PLCG2: variants seen among roughly 807,000 people sequenced by gnomAD.
The protein encoded by PLCG2 is 1-phosphatidylinositol 4,5-bisphosphate phosphodiesterase gamma-2.
Under a neutral mutation model 175.6 loss-of-function variants are expected in PLCG2, and 69 were observed. That is an observed-to-expected ratio of 0.39 (90% CI 0.32 to 0.48). The LOEUF (loss-of-function observed/expected upper bound fraction) is 0.48, where lower values mean the gene tolerates loss of function less well. PLCG2 is among the 20% of genes least tolerant of loss of function. The probability of loss-of-function intolerance (pLI) is 0.91; values close to 1 mark genes in which losing one functional copy is unlikely to be tolerated. For missense variants in PLCG2, 1,798 were observed against 1,650.9 expected (o/e 1.09, Z -1.54); for synonymous variants, 827 against 624.0 (o/e 1.33, Z -4.85).
intron 31 of PLCG2, among the ~76,000 whole-genome samples, chr16:81,951,242 G>T (rs1026874163): frequency 1.3e-5 from 2 of 152,138 alleles, no homozygotes; most frequent in South Asian, 2.1e-4. Flanking sequence ...GGAATTACAC[G>T]TGTCAGCCAC....
At chr16:81,882,603 A>G (rs1010776256) in intron 8 of PLCG2, among the ~76,000 whole-genome samples, 1 of 151,818 alleles carries the variant, frequency 6.6e-6, no homozygotes, top group Non-Finnish European at 1.5e-5. Flanking sequence ...TTTGCTCTGC[A>G]ATCCCTCCCT....
chr16:81,772,988 A>G (rs1910316485), intron 2 of PLCG2, among the ~76,000 whole-genome samples: 1 of 151,936 alleles, frequency 6.6e-6, no homozygotes, highest in South Asian at 2.1e-4. Context: ...GCCCCTGCCG[A>G]CAGCTGCCCT....
intron 2 of PLCG2, among the ~76,000 whole-genome samples, chr16:81,787,411 T>TTTTTTTTTTTTG (rs1491091914): frequency 4.3e-5 from 6 of 140,860 alleles, no homozygotes; most frequent in African/African-American, 1.5e-4. Context: ...TTTTTTTTTT[T>TTTTTTTTTTTTG]GTAGAGATGG....
intron 2 of PLCG2, among the ~76,000 whole-genome samples, chr16:81,797,049 C>G (rs747389815): frequency 5.9e-5 from 9 of 152,168 alleles, no homozygotes; most frequent in Admixed American, 1.3e-4. Context: ...TTCCACGTGT[C>G]ATGTTATTTT....
In PLCG2 at chr16:81,938,663, G is replaced by A. The variant is rs16956020; in HGVS notation, c.3199-138G>A. ...TTCATCCACTGCAGAAGGTTGCTCC[G>A]GCTTTTCCAGTGAATCTAGGAAAAT... is the stretch of plus-strand genomic sequence containing the variant. On this transcript the variant is annotated intron_variant, in intron 28 of 32. Coordinates refer to ENST00000564138, the MANE Select transcript of PLCG2 (RefSeq NM_002661.5). 0.088 allele frequency: 53,723 copies of A among 609,462 alleles called. 3,701 individuals carry two copies. Among genetic ancestry groups the A allele is most frequent in the African/African-American group, 0.28 (15,247 of 54,008 alleles). 37.8% of individuals were successfully genotyped at this position (609,462 alleles called of 1,614,324 possible).
Position 81,877,973 on chromosome 16 carries a change from A to ATTT in PLCG2, c.649-2913_649-2911dup, listed in dbSNP as rs71146052. Among the ~76,000 whole-genome samples the ATTT allele has an allele frequency of 2.4e-3, 133 of 55,762 alleles. 11 individuals are homozygous for ATTT. The highest frequency in any genetic ancestry group is 5.8e-3 in the South Asian group (6 of 1,028). 36.6% of individuals were successfully genotyped at this position (55,762 alleles called of 152,430 possible). ...TCCAAATCTCCCTCTTTTTTTTTTA[A>ATTT]TTTTTTTTTTTTTTTTTTTTTTTTT... On this transcript the variant is annotated intron_variant, in intron 7 of 32. Transcript: ENST00000564138.
chr16:81,868,860 A>T lies in PLCG2; in HGVS notation c.480-354A>T, dbSNP rs117640739. Among the ~76,000 whole-genome samples the T allele has an allele frequency of 1.1e-4, 17 of 152,060 alleles. No homozygotes were observed. In the East Asian group the frequency reaches 3.3e-3, roughly 29 times the overall value. On this transcript the variant is annotated intron_variant, in intron 5 of 32. Coordinates refer to ENST00000564138, the MANE Select transcript of PLCG2 (RefSeq NM_002661.5). The stretch of plus-strand genomic sequence containing the variant: ...ACTGGGACATCACCCTATACTGGGG[A>T]TCTCCAGTGTAGGTGCCTCCTCATT...
intron 2 of PLCG2, among the ~76,000 whole-genome samples, chr16:81,789,121 GTAAAA>G (rs144675598): frequency 0.077 from 11,755 of 152,204 alleles, 575 homozygotes; most frequent in Middle Eastern, 0.12. Flanking sequence ...GGAACTTAAA[GTAAAA>G]TAAAATAAAA....
Position 81,802,093 on chromosome 16 carries a change from C to CTTTTTTTTTTTTT in PLCG2, c.193+15937_193+15949dup, listed in dbSNP as rs1157731599. On this transcript the variant is annotated intron_variant, in intron 2 of 32. Transcript: ENST00000564138. ...GTTAGCTCCTTCAGGTGAGTACAGT[C>CTTTTTTTTTTTTT]TTTTTTTTTTTTTTTTTTTTTTTTT... 2.3e-3 allele frequency among the ~76,000 whole-genome samples: 94 copies of CTTTTTTTTTTTTT among 40,016 alleles called. 29 individuals carry two copies. The highest frequency in any genetic ancestry group is 5.3e-3 in the East Asian group (4 of 760). The allele number at this position is 40,016 out of a possible 152,430, so 26.3% of individuals were successfully genotyped here.
In PLCG2 at chr16:81,915,142, A is replaced by C. The variant is rs116300654; in HGVS notation, c.2054+2426A>C. 7.8e-3 allele frequency among the ~76,000 whole-genome samples: 1,182 copies of C among 152,284 alleles called. 14 individuals carry two copies. Among genetic ancestry groups the C allele is most frequent in the African/African-American group, 0.027 (1,113 of 41,548 alleles). On this transcript the variant is annotated intron_variant, in intron 19 of 32. Coordinates refer to ENST00000564138, the MANE Select transcript of PLCG2 (RefSeq NM_002661.5). ...AGTGTAGTATTTTGTGATGAGTGCT[A>C]CAAAGGGATTGGTCAGGCAGGGTGG...
chr16:81,840,340 G>C (rs1052971490), intron 2 of PLCG2, among the ~76,000 whole-genome samples: 1 of 152,218 alleles, frequency 6.6e-6, no homozygotes, highest in Non-Finnish European at 1.5e-5. Context: ...CCGGTTTTGT[G>C]GAAGATAACT....
At chr16:81,928,683 C>A in intron 24 of PLCG2, 59 bp downstream of exon 24, 1 of 1,128,822 alleles carries the variant, frequency 8.9e-7, no homozygotes, top group Non-Finnish European at 1.4e-6. Flanking sequence ...GGGCTGACCT[C>A]AGCCCCGCCC....
rs1790347049 is a variant in PLCG2 at position 81,904,725 on chromosome 16, CAACAG to C, written c.1363-677_1363-673del. Among the ~76,000 whole-genome samples the C allele has an allele frequency of 1.3e-5, 2 of 152,160 alleles. 1 individual carries two copies. Among genetic ancestry groups the C allele is most frequent in the South Asian group, 4.1e-4 (2 of 4,830 alleles). The stretch of plus-strand genomic sequence containing the variant: ...AAGTGCTCTTCTAGCACAGGAGACT[CAACAG>C]GAAGCAAAACAACATCCCTGCCCTC... On this transcript the variant is annotated intron_variant, in intron 14 of 32. Transcript: ENST00000564138.
intron 2 of PLCG2, among the ~76,000 whole-genome samples, chr16:81,799,923 G>A (rs898527864): frequency 6.6e-6 from 1 of 152,140 alleles, no homozygotes; most frequent in Admixed American, 6.5e-5. Flanking sequence ...GTCGATGTTG[G>A]TTTAAAAAAT....
chr16:81,810,408 G>A (rs4889393), intron 2 of PLCG2, among the ~76,000 whole-genome samples: 8,131 of 152,246 alleles, frequency 0.053, 247 homozygotes, highest in South Asian at 0.09. Context: ...TGCAGCATCA[G>A]TATTGGTGAA....
Position 81,960,590 on chromosome 16 carries a change from G to C in PLCG2, c.*2592G>C, listed in dbSNP as rs1336483356. 1 of 231,562 alleles carries C rather than the reference G, an allele frequency of 4.3e-6. No individual in the cohort carries two copies. Among genetic ancestry groups the C allele is most frequent in the Non-Finnish European group, 8.5e-6 (1 of 117,064 alleles). The allele number at this position is 231,562 out of a possible 1,614,324, so 14.3% of individuals were successfully genotyped here. On this transcript the variant is annotated 3_prime_UTR_variant, in exon 33 of 33. Transcript: ENST00000564138. Reference sequence around the variant, plus strand: ...TGAGACTAGATGTGCAGGAGTGAAAGGTGTAGAGGGTCTTGTTTTCCAAAT... The same window carrying C: ...TGAGACTAGATGTGCAGGAGTGAAACGTGTAGAGGGTCTTGTTTTCCAAAT...
At chr16:81,884,436 G>C (rs1908253774) in intron 9 of PLCG2, among the ~76,000 whole-genome samples, 1 of 151,618 alleles carries the variant, frequency 6.6e-6, no homozygotes, top group African/African-American at 2.4e-5. Context: ...ACAGTGCTGA[G>C]GACAAGAAAC....
chr16:81,822,955 G>A (rs574146674), intron 2 of PLCG2, among the ~76,000 whole-genome samples: 13 of 152,316 alleles, frequency 8.5e-5, no homozygotes, highest in Non-Finnish European at 1.6e-4. Context: ...TCCAGAAGGA[G>A]CCAGTGCTGC....
intron 2 of PLCG2, among the ~76,000 whole-genome samples, chr16:81,770,006 C>A (rs185020909): frequency 1.3e-3 from 196 of 152,250 alleles, no homozygotes; most frequent in African/African-American, 4.5e-3. Flanking sequence ...ACATTGACTG[C>A]ACGAAGGGCC....
Sources: allele counts gnomAD v4.1 joint callset (sites outside exome capture counted in the v4.1 genomes callset), GRCh38; gene constraint gnomAD v4.1.1; transcripts MANE v1.5; gene names NCBI Gene and HGNC (gene_info 2026-07-23, HGNC 2026-07-21).